The following PWP1 variants were observed in gnomAD, a reference collection of about 807,000 sequenced individuals.
The protein encoded by PWP1 is PWP1 homolog, endonuclein, also known as periodic tryptophan protein 1 homolog.
PWP1 carries 47 observed loss-of-function variants against 69.9 expected under a neutral mutation model. The ratio of observed to expected loss-of-function variants is 0.67; its 90% CI spans 0.53 to 0.86. The LOEUF (loss-of-function observed/expected upper bound fraction) is 0.86, where lower values mean the gene tolerates loss of function less well. Among genes scored for constraint, PWP1 ranks in the 40% least tolerant of loss-of-function variants. The probability of loss-of-function intolerance (pLI) is 0.00; values close to 1 mark genes in which losing one functional copy is unlikely to be tolerated. For synonymous variants in PWP1, 222 were observed against 208.2 expected, an observed-to-expected ratio of 1.07 and a Z score of -0.57; for missense variants, 551 against 608.8, an observed-to-expected ratio of 0.91 and a Z score of 1.00.
At position 107,692,898 on chromosome 12, in the gene PWP1, C is replaced by A. The variant is rs757883172; in HGVS notation, c.404C>A (p.Thr135Lys). 6.2e-7 allele frequency: 1 copy of A among 1,613,790 alleles called. No homozygotes were observed. Among genetic ancestry groups the A allele is most frequent in the Non-Finnish European group, 8.5e-7 (1 of 1,179,770 alleles). The change falls in exon 4 of 15, where the codon ACA (threonine) becomes AAA (lysine). Residue 135 changes from threonine (T) to lysine (K), a missense_variant and splice_region_variant. Coordinates refer to ENST00000412830, the MANE Select transcript of PWP1 (RefSeq NM_007062.3). ...DQDPYVTLKD[T>K]EQYEREDFLI... ...GATCCTTACGTTACTCTGAAAGATACAGTAAGTATTTACATCTTTTTTCTA... is the reference window on the plus strand; with the variant it reads ...GATCCTTACGTTACTCTGAAAGATAAAGTAAGTATTTACATCTTTTTTCTA...
chr12:107,693,119 A>AC, intron 5 of PWP1, 23 bp downstream of exon 5: 1 of 1,570,062 alleles, frequency 6.4e-7, no homozygotes, highest in East Asian at 2.3e-5. Context: ...TCCCTTATTA[A>AC]AAGATTTTCT....
At chr12:107,710,627 A>G (rs1889933339) in intron 14 of PWP1, 117 bp downstream of exon 14, 2 of 1,397,956 alleles carry the variant, frequency 1.4e-6, no homozygotes, top group Non-Finnish European at 1.9e-6. Context: ...GCCTCAAGCA[A>G]TCCTTGGTCC....
intron 11 of PWP1, among the ~76,000 whole-genome samples, chr12:107,706,428 G>A (rs1889825375): frequency 6.6e-6 from 1 of 152,120 alleles, no homozygotes; most frequent in Non-Finnish European, 1.5e-5. Flanking sequence ...TTTGACTTTT[G>A]TTGCCATTGC....
intron 11 of PWP1, among the ~76,000 whole-genome samples, chr12:107,705,706 T>C (rs554523772): frequency 6.6e-6 from 1 of 152,200 alleles, no homozygotes; most frequent in Admixed American, 6.5e-5. Context: ...CATGAACTCA[T>C]TCTTTTTTAT....
chr12:107,708,712 A>G (rs758348596), intron 11 of PWP1, among the ~76,000 whole-genome samples: 39 of 152,174 alleles, frequency 2.6e-4, no homozygotes, highest in Non-Finnish European at 5.3e-4. Context: ...CATTCACCAC[A>G]GCTTCATACT....
At chr12:107,686,052 C>A in intron 1 of PWP1, 81 bp downstream of exon 1, 1 of 1,504,434 alleles carries the variant, frequency 6.6e-7, no homozygotes, top group South Asian at 1.1e-5. Context: ...AACGTGGACC[C>A]GGAACTCGGG....
intron 11 of PWP1, among the ~76,000 whole-genome samples, chr12:107,705,516 C>A (rs1889803820): frequency 8.6e-6 from 1 of 116,690 alleles, no homozygotes; most frequent in Admixed American, 9.8e-5. Flanking sequence ...GCTATCCCTC[C>A]CCCTCCCCCC....
In PWP1 at chr12:107,712,343, TC is replaced by T. The variant is rs1272617696; in HGVS notation, c.*125del. ...AACACAATTCATTTCTGACTGACAT[TC>T]CTTTCTGCAACTGCGGTGGCACCAC... On this transcript the variant is annotated 3_prime_UTR_variant, in exon 15 of 15. Transcript: ENST00000412830. 1.5e-6 allele frequency: 1 copy of T among 685,798 alleles called. No homozygotes were observed. The highest frequency in any genetic ancestry group is 2.5e-6 in the Non-Finnish European group (1 of 402,276). 42.5% of individuals were successfully genotyped at this position (685,798 alleles called of 1,614,324 possible). A position where few individuals can be genotyped will look rare whatever the true frequency, so the allele number is the denominator to read the frequency against.
intron 8 of PWP1, among the ~76,000 whole-genome samples, chr12:107,699,984 C>T (rs531558495): frequency 6.6e-6 from 1 of 151,974 alleles, no homozygotes; most frequent in South Asian, 2.1e-4. Context: ...GGAGCAAAGT[C>T]ATGTCTTATA....
chr12:107,694,363 AG>A (rs1232189489), intron 5 of PWP1, among the ~76,000 whole-genome samples: 1 of 152,188 alleles, frequency 6.6e-6, no homozygotes, highest in Non-Finnish European at 1.5e-5. Context: ...TAGGAAACAC[AG>A]TTGCACAGCT....
intron 11 of PWP1, among the ~76,000 whole-genome samples, chr12:107,707,534 TG>T (rs1480738257): frequency 6.6e-6 from 1 of 152,218 alleles, no homozygotes; most frequent in African/African-American, 2.4e-5. Context: ...GCTGTGGGTT[TG>T]TCATAAATAG....
chr12:107,710,589 T>C (rs1889932592), intron 14 of PWP1, 79 bp downstream of exon 14: 1 of 1,431,344 alleles, frequency 7.0e-7, no homozygotes, highest in East Asian at 2.4e-5. Flanking sequence ...GGTCTCACCA[T>C]GTTGCCCAGG....
At chr12:107,686,709 G>A (rs1239693806) in intron 1 of PWP1, among the ~76,000 whole-genome samples, 1 of 152,336 alleles carries the variant, frequency 6.6e-6, no homozygotes, top group South Asian at 2.1e-4. Context: ...GCTCACGCCT[G>A]TAATCCCAGC....
At chr12:107,697,679 C>T (rs772524042) in intron 7 of PWP1, 82 bp downstream of exon 7, 44 of 1,355,058 alleles carry the variant, frequency 3.2e-5, no homozygotes, top group Non-Finnish European at 3.9e-5. Flanking sequence ...AGACCGTACA[C>T]TTTTTCAATC....
intron 11 of PWP1, among the ~76,000 whole-genome samples, chr12:107,706,324 T>A (rs558136135): frequency 1.1e-3 from 162 of 152,294 alleles, no homozygotes; most frequent in African/African-American, 3.6e-3. Context: ...ATTGCAAAAA[T>A]TTTCTCCTAT....
At chr12:107,702,811 C>A in intron 8 of PWP1, 124 bp from the exon 9 acceptor site, 2 of 662,618 alleles carry the variant, frequency 3.0e-6, no homozygotes, top group South Asian at 3.3e-5. Context: ...TCTTACATTT[C>A]TTTTGTTAAA....
intron 8 of PWP1, among the ~76,000 whole-genome samples, chr12:107,702,621 C>T (rs892776970): frequency 6.6e-6 from 1 of 152,166 alleles, no homozygotes; most frequent in South Asian, 2.1e-4. Flanking sequence ...AGAAAAAAGT[C>T]ATCAGAGATT....
At chr12:107,686,574 A>G (rs970859944) in intron 1 of PWP1, among the ~76,000 whole-genome samples, 2 of 152,264 alleles carry the variant, frequency 1.3e-5, no homozygotes, top group African/African-American at 2.4e-5. Context: ...CTGAGACTGT[A>G]GCAGAGGTGA....
intron 3 of PWP1, among the ~76,000 whole-genome samples, chr12:107,691,620 GCAT>G (rs1299874603): frequency 1.3e-5 from 2 of 152,100 alleles, no homozygotes; most frequent in African/African-American, 4.8e-5. Flanking sequence ...TGGGAGTTTA[GCAT>G]CATCCTAGTG....
Sources: gnomAD v4.1 joint callset for allele counts (sites outside exome capture counted in the v4.1 genomes callset) on GRCh38, gnomAD v4.1.1 for gene constraint, MANE v1.5 for transcripts, NCBI Gene and HGNC (gene_info 2026-07-23, HGNC 2026-07-21) for gene names.